GALNT13: variants seen among roughly 807,000 people sequenced by gnomAD.
The protein encoded by GALNT13 is UDP-GalNAc:polypeptide N-acetylgalactosaminyltransferase 13.
Under a neutral mutation model 64.2 loss-of-function variants are expected in GALNT13, and 28 were observed. The observed-to-expected ratio is 0.44, with a 90% CI of 0.32 to 0.60. The LOEUF is 0.60. Among genes scored for constraint, GALNT13 ranks in the 20% least tolerant of loss-of-function variants. GALNT13 has a pLI of 0.05. For missense variants in GALNT13, 577 were observed against 669.8 expected (o/e 0.86, Z 1.53); for synonymous variants, 214 against 224.6 (o/e 0.95, Z 0.42).
At chr2:153,932,873 C>CTG (rs973230535) in intron 2 of GALNT13, among the ~76,000 whole-genome samples, 2 of 151,994 alleles carry the variant, frequency 1.3e-5, no homozygotes, top group Non-Finnish European at 2.9e-5. Context: ...GGTGGTCCTC[C>CTG]TGCGTTGCCT....
the GALNT13 span, among the ~76,000 whole-genome samples, chr2:153,427,530 T>G: frequency 1.3e-5 from 2 of 151,876 alleles, no homozygotes; most frequent in African/African-American, 4.8e-5. Context: ...GAAAAGAAAT[T>G]AGGAGGTTGA....
At chr2:153,949,425 C>A (rs1025384015) in intron 3 of GALNT13, among the ~76,000 whole-genome samples, 2 of 151,284 alleles carry the variant, frequency 1.3e-5, no homozygotes, top group Admixed American at 6.6e-5. Flanking sequence ...CCTGTAATCC[C>A]AGGTACTCAG....
the GALNT13 span, among the ~76,000 whole-genome samples, chr2:153,235,530 C>T: frequency 4.3e-4 from 65 of 152,172 alleles, no homozygotes; most frequent in East Asian, 2.3e-3. Context: ...GTACATGTAT[C>T]GCATGCCTCA....
At chr2:154,141,419 TTTTC>T (rs1206824104) in intron 4 of GALNT13, among the ~76,000 whole-genome samples, 3 of 152,118 alleles carry the variant, frequency 2.0e-5, no homozygotes, top group African/African-American at 7.2e-5. Context: ...GTAAAAAATA[TTTTC>T]TTTCTTTATA....
chr2:154,374,501 A>G (rs1198157160), intron 9 of GALNT13, among the ~76,000 whole-genome samples: 2 of 150,716 alleles, frequency 1.3e-5, no homozygotes, highest in Admixed American at 6.6e-5. Flanking sequence ...AAGCTGAACT[A>G]TAAACTTCAA....
At chr2:153,625,684 G>C in the GALNT13 span, among the ~76,000 whole-genome samples, 1 of 151,686 alleles carries the variant, frequency 6.6e-6, no homozygotes, top group African/African-American at 2.4e-5. Context: ...TTGCTGAAGA[G>C]AAAAAATGGA....
the GALNT13 span, among the ~76,000 whole-genome samples, chr2:153,267,077 C>A: frequency 6.6e-6 from 1 of 152,208 alleles, no homozygotes; most frequent in East Asian, 1.9e-4. Context: ...GTTTGAAACC[C>A]AGTGGGGCAG....
the GALNT13 span, among the ~76,000 whole-genome samples, chr2:153,280,638 G>A: frequency 6.6e-6 from 1 of 152,036 alleles, no homozygotes; most frequent in African/African-American, 2.4e-5. Flanking sequence ...CCACTCATGA[G>A]TAAGCTGTTT....
At chr2:153,313,434 A>C in the GALNT13 span, among the ~76,000 whole-genome samples, 1 of 152,142 alleles carries the variant, frequency 6.6e-6, no homozygotes, top group Non-Finnish European at 1.5e-5. Context: ...TTCCTTAGCA[A>C]ACTAACACAG....
intron 1 of GALNT13, among the ~76,000 whole-genome samples, chr2:153,882,007 C>T (rs886934046): frequency 2.6e-5 from 4 of 151,852 alleles, no homozygotes; most frequent in African/African-American, 9.7e-5. Context: ...ATAGCTTCTT[C>T]GTTTTCAATA....
chr2:153,327,206 C>T, the GALNT13 span, among the ~76,000 whole-genome samples: 1 of 152,146 alleles, frequency 6.6e-6, no homozygotes, highest in Non-Finnish European at 1.5e-5. Flanking sequence ...GTGGGTAACC[C>T]TATTCTTCTC....
chr2:153,134,136 C>T, the GALNT13 span, among the ~76,000 whole-genome samples: 9 of 151,684 alleles, frequency 5.9e-5, no homozygotes, highest in Admixed American at 2.0e-4. Flanking sequence ...ATTGAAAATT[C>T]GAAAAGACCA....
At chr2:153,734,133 C>T in the GALNT13 span, among the ~76,000 whole-genome samples, 1 of 152,102 alleles carries the variant, frequency 6.6e-6, no homozygotes, top group African/African-American at 2.4e-5. Context: ...AGTTTTCTGG[C>T]TTCTGGTGGC....
chr2:154,347,057 G>T (rs1293389298), intron 9 of GALNT13, among the ~76,000 whole-genome samples: 1 of 151,968 alleles, frequency 6.6e-6, no homozygotes, highest in Non-Finnish European at 1.5e-5. Context: ...CAGAAAATTG[G>T]AAAGTTAGGG....
intron 9 of GALNT13, among the ~76,000 whole-genome samples, chr2:154,316,553 G>A (rs1033212953): frequency 1.3e-5 from 2 of 152,064 alleles, no homozygotes; most frequent in African/African-American, 2.4e-5. Context: ...CACAATACCC[G>A]AGAGTGGGTA....
At chr2:154,377,288 TC>T (rs74570235) in intron 9 of GALNT13, among the ~76,000 whole-genome samples, 87,023 of 151,438 alleles carry the variant, frequency 0.57, 25,392 homozygotes, top group Admixed American at 0.65. Flanking sequence ...CTGTTCATTG[TC>T]TTTTTTGTGA....
At position 154,349,535 on chromosome 2, in the gene GALNT13, C is replaced by T. The variant is rs150987164; in HGVS notation, c.1157-46456C>T. ...ATCAAATTATTCACAAACAACATTG[C>T]TGTTAGGTCAAACATTAAAGCTGCC... On this transcript the variant is annotated intron_variant, in intron 9 of 12. Coordinates refer to ENST00000392825, the MANE Select transcript of GALNT13 (RefSeq NM_052917.4). 2.0e-4 allele frequency among the ~76,000 whole-genome samples: 30 copies of T among 152,280 alleles called. 1 individual carries two copies. In the East Asian group the frequency reaches 5.2e-3, roughly 26 times the overall value.
the GALNT13 span, among the ~76,000 whole-genome samples, chr2:153,470,949 G>A: frequency 0.033 from 5,019 of 152,172 alleles, 275 homozygotes; most frequent in African/African-American, 0.11. Flanking sequence ...AAGTAGCCTC[G>A]AGATATTCAT....
chr2:153,330,704 A>G, the GALNT13 span, among the ~76,000 whole-genome samples: 1 of 152,076 alleles, frequency 6.6e-6, no homozygotes, highest in Non-Finnish European at 1.5e-5. Flanking sequence ...TTCTAGGTAT[A>G]GAATCATATC....
Sources: gnomAD v4.1 joint callset for allele counts (sites outside exome capture counted in the v4.1 genomes callset) on GRCh38, gnomAD v4.1.1 for gene constraint, MANE v1.5 for transcripts, NCBI Gene and HGNC (gene_info 2026-07-23, HGNC 2026-07-21) for gene names.